Variants in ZNF219 observed in about 807,000 individuals in gnomAD.
ZNF219 encodes the protein zinc finger protein 219.
A neutral mutation model predicts 54.4 loss-of-function variants in ZNF219; 17 were observed. That is an observed-to-expected ratio of 0.31 (90% CI 0.21 to 0.47). The LOEUF (loss-of-function observed/expected upper bound fraction) is 0.47. Among genes scored for constraint, ZNF219 ranks in the 20% least tolerant of loss-of-function variants. ZNF219 has a pLI of 1.00. For synonymous variants in ZNF219, 518 were observed against 476.4 expected (o/e 1.09, Z -1.14); for missense variants, 1,014 against 1,062.3 (o/e 0.95, Z 0.63).
At chr14:21,098,967 T>G (rs1594608062), upstream of ZNF219, 2 of 646,866 alleles carry the variant, frequency 3.1e-6, no homozygotes, top group Non-Finnish European at 4.4e-6. Flanking sequence ...ATGTCGGCCG[T>G]ATAAGAAACA....
chr14:21,103,330 A>G, upstream of ZNF219: 6 of 1,497,880 alleles, frequency 4.0e-6, no homozygotes, highest in Non-Finnish European at 5.3e-6. Flanking sequence ...CTTCGAGTCC[A>G]ATAGGAAGTC....
chr14:21,092,541 G>GGGCTCC lies in ZNF219; in HGVS notation c.750_755dup (p.Pro252_Glu253dup), dbSNP rs370417468. ...CTGGGGTCGGGGTTGCCTCACGTTC[G>GGGCTCC]GGCTCCGGCTCCGGCTCCGGCTGGG... On this transcript the variant is annotated inframe_insertion, in exon 3 of 5. Transcript: ENST00000360947. The GGGCTCC allele has an allele frequency of 2.9e-4, 450 of 1,549,140 alleles. 1 individual carries two copies. The highest frequency in any genetic ancestry group is 6.2e-4 in the South Asian group (52 of 84,016).
At chr14:21,091,368 C>G (rs1173890475) in intron 4 of ZNF219, 43 bp downstream of exon 4, 1 of 1,569,654 alleles carries the variant, frequency 6.4e-7, no homozygotes, top group African/African-American at 1.4e-5. Flanking sequence ...ACCTTTCTGC[C>G]CGCCCCCAGT....
chr14:21,101,963 G>A (rs1254332400), upstream of ZNF219: 4 of 1,551,534 alleles, frequency 2.6e-6, no homozygotes, highest in Non-Finnish European at 3.5e-6. Context: ...TGCCTCTTGG[G>A]CCTGGAGCCT....
chr14:21,098,860 T>C (rs1385782385), upstream of ZNF219: 10 of 1,286,092 alleles, frequency 7.8e-6, no homozygotes, highest in Middle Eastern at 1.7e-3. Flanking sequence ...ATGCACAGAC[T>C]CGGGAAGTTC....
Position 21,093,051 on chromosome 14 carries a change from G to A in ZNF219, c.246C>T (p.Ala82=). 2 of 1,600,238 alleles carry A rather than the reference G, an allele frequency of 1.2e-6. No homozygotes were observed. The highest frequency in any genetic ancestry group is 1.1e-5 in the South Asian group (1 of 90,316). ...CGCAGTGAGGGCACTGGAAGGCCTG[G>A]GCTCCTGGGTGCGCCCGCAGGTGCA... ...LALHLRAHPG[A]QAFQCPHCGH... The change falls in exon 3 of 5, where the codon GCC becomes GCT. Residue 82 remains alanine (A), a synonymous_variant. Transcript: ENST00000360947.
upstream of ZNF219, chr14:21,102,056 C>A (rs1235775143): frequency 6.4e-7 from 1 of 1,551,180 alleles, no homozygotes; most frequent in African/African-American, 1.4e-5. Flanking sequence ...GCCCTTCTCA[C>A]CATTCAGGGT....
At chr14:21,101,543 C>CT (rs1230685672), upstream of ZNF219, 8 of 1,198,536 alleles carry the variant, frequency 6.7e-6, no homozygotes, top group Admixed American at 2.3e-5. Flanking sequence ...AAGTGAGCAC[C>CT]TACCATGTGC....
upstream of ZNF219, chr14:21,102,652 T>C (rs1257317911): frequency 1.3e-6 from 2 of 1,551,528 alleles, no homozygotes; most frequent in Admixed American, 3.9e-5. Flanking sequence ...TTGCTGGTGC[T>C]GGAACTCAGT....
rs1167503759 is a variant in ZNF219 at position 21,092,263 on chromosome 14, TG to T, written c.1033del (p.Gln345SerfsTer38). ...GPASGPARAP[Q>X]PPDLGLLAYE... Reference sequence around the variant, plus strand: ...GGCCAGCAGGCCGAGGTCAGGAGGCTGGGGGGCGCGGGCAGGCCCGGAGGCA... The same window carrying T: ...GGCCAGCAGGCCGAGGTCAGGAGGCTGGGGGCGCGGGCAGGCCCGGAGGCA... On this transcript the variant is annotated frameshift_variant, in exon 3 of 5. Transcript: ENST00000360947. LOFTEE classifies it high-confidence loss of function. 1 of 1,477,972 alleles carries T rather than the reference TG, an allele frequency of 6.8e-7. No individual in the cohort carries two copies. The highest frequency in any genetic ancestry group is 8.9e-7 in the Non-Finnish European group (1 of 1,117,406). The allele number at this position is 1,477,972 out of a possible 1,614,324, so 91.6% of individuals were successfully genotyped here.
chr14:21,102,052 C>G, upstream of ZNF219: 1 of 1,551,158 alleles, frequency 6.4e-7, no homozygotes, highest in Non-Finnish European at 8.7e-7. Flanking sequence ...ACTTGCCCTT[C>G]TCACCATTCA....
In ZNF219 at chr14:21,092,471, AGCGGAACTCCGGAGGCG is replaced by A; in HGVS notation, c.809_825del (p.Ala270ValfsTer20). On this transcript the variant is annotated frameshift_variant, in exon 3 of 5. Transcript: ENST00000360947. LOFTEE classifies it high-confidence loss of function. Reference sequence around the variant, plus strand: ...GTAAAGCTCTGGCCGCACACTTGGCAGCGGAACTCCGGAGGCGCTGGGGGCTCCTCGGGAGCGGCAGG... The same window carrying A: ...GTAAAGCTCTGGCCGCACACTTGGCACTGGGGGCTCCTCGGGAGCGGCAGG... 6.4e-7 allele frequency: 1 copy of A among 1,555,988 alleles called. No individual in the cohort carries two copies. Among genetic ancestry groups the A allele is most frequent in the Non-Finnish European group, 8.7e-7 (1 of 1,149,888 alleles).
chr14:21,104,466 T>C (rs780523937), intron 1 of ZNF219: 2 of 152,250 alleles, frequency 1.3e-5, no homozygotes, highest in Non-Finnish European at 2.9e-5. Context: ...TGCTGGCCGC[T>C]AGAAACTAGA....
rs1474715803 is a variant in ZNF219, at chr14:21,092,657, C to A, written c.640G>T (p.Ala214Ser). ...GTGGCCGCCAGGGGACGCTCGGGAGCCCCGTGGGCCGTCAGGCTGTGGTGC... is the reference window on the plus strand; with the variant it reads ...GTGGCCGCCAGGGGACGCTCGGGAGACCCGTGGGCCGTCAGGCTGTGGTGC... ...LLHHSLTAHGAPERPLAATSA... is the reference protein window; with the variant it reads ...LLHHSLTAHGSPERPLAATSA... Residue 214 changes from alanine (A) to serine (S), a missense_variant, in exon 3 of 5, where the codon GCT becomes TCT. Transcript: ENST00000360947. The A allele has an allele frequency of 1.9e-6, 3 of 1,568,198 alleles. No individual in the cohort carries two copies. Among genetic ancestry groups the A allele is most frequent in the Non-Finnish European group, 2.6e-6 (3 of 1,159,328 alleles).
At chr14:21,102,346 G>A (rs963995244), upstream of ZNF219, 3 of 1,532,742 alleles carry the variant, frequency 2.0e-6, no homozygotes, top group African/African-American at 4.1e-5. Context: ...GCTGCAAGTG[G>A]GGATTGAGGT....
At chr14:21,103,239 C>G, upstream of ZNF219, 1 of 1,551,592 alleles carries the variant, frequency 6.4e-7, no homozygotes, top group Non-Finnish European at 8.7e-7. Flanking sequence ...CAGACACGTG[C>G]TGCTCTCCTT....
At chr14:21,101,493 T>G, upstream of ZNF219, 1 of 1,500,578 alleles carries the variant, frequency 6.7e-7, no homozygotes, top group Non-Finnish European at 9.1e-7. Flanking sequence ...GCATGTCCAC[T>G]TCTACCCAAT....
chr14:21,102,743 C>T, upstream of ZNF219: 1 of 1,551,114 alleles, frequency 6.4e-7, no homozygotes. Context: ...CAGGATGCTG[C>T]AGGAGCCAGA....
In ZNF219 at chr14:21,091,555, C is replaced by G. The variant is rs543425040; in HGVS notation, c.1433-13G>C. 2 of 1,588,082 alleles carry G rather than the reference C, an allele frequency of 1.3e-6. No homozygotes were observed. Among genetic ancestry groups the G allele is most frequent in the Non-Finnish European group, 8.6e-7 (1 of 1,159,912 alleles). On this transcript the variant is annotated splice_polypyrimidine_tract_variant and intron_variant, in intron 3 of 4. Coordinates refer to ENST00000360947, the MANE Select transcript of ZNF219 (RefSeq NM_016423.3). The stretch of plus-strand genomic sequence containing the variant: ...AGCCCATTCTCTTCTGCAACACATA[C>G]GTTAAGAGGAAGTCAGGGGGGCCCA...
Sources: allele counts gnomAD v4.1 joint callset, GRCh38; gene constraint gnomAD v4.1.1; transcripts MANE v1.5; gene names NCBI Gene and HGNC (gene_info 2026-07-23, HGNC 2026-07-21).